The following SPEN variants were observed in gnomAD, a reference collection of about 807,000 sequenced individuals.
The protein encoded by SPEN is msx2-interacting protein.
A neutral mutation model predicts 269.9 loss-of-function variants in SPEN; 18 were observed. The observed-to-expected ratio is 0.07, with a 90% confidence interval of 0.05 to 0.10. The LOEUF (loss-of-function observed/expected upper bound fraction) is 0.10. SPEN is among the 10% of genes least tolerant of loss of function. The pLI is 1.00. For synonymous variants in SPEN, 1,726 were observed against 1,765.7 expected, an observed-to-expected ratio of 0.98 and a Z score of 0.56; for missense variants, 3,822 against 4,631.2, an observed-to-expected ratio of 0.83 and a Z score of 5.07.
chr1:15,934,298 T>A lies in SPEN; in HGVS notation c.8058T>A (p.Pro2686=). 1 of 1,614,164 alleles carries A rather than the reference T, an allele frequency of 6.2e-7. No homozygotes were observed. The highest frequency in any genetic ancestry group is 8.5e-7 in the Non-Finnish European group (1 of 1,180,032). The change falls in exon 11 of 15, where the codon CCT becomes CCA. Residue 2686 remains proline (P), a synonymous_variant. Coordinates refer to ENST00000375759, the MANE Select transcript of SPEN (RefSeq NM_015001.3). The surrounding 1 kb of genome is among the most constrained non-coding windows in gnomAD (Gnocchi z 9.2). ...VTTLKSLVST[P]AGPVNVLKGP... ...CACTGAAAAGTTTGGTGAGCACCCC[T>A]GCTGGGCCCGTGAACGTCCTGAAAG...
chr1:15,881,536 C>A (rs1489588080), intron 3 of SPEN, among the ~76,000 whole-genome samples: 2 of 152,126 alleles, frequency 1.3e-5, no homozygotes, highest in Non-Finnish European at 2.9e-5. Flanking sequence ...TATCACAGAA[C>A]CTAGTATATT....
rs374417239 is a variant in SPEN, at chr1:15,888,820, A to G, written c.881+12142A>G. 1.9e-3 allele frequency among the ~76,000 whole-genome samples: 281 copies of G among 151,580 alleles called. 2 individuals are homozygous for G. The highest frequency in any genetic ancestry group is 5.2e-3 in the South Asian group (25 of 4,798). ...CTAATTTTGTATTTTTAGTAGAGAC[A>G]GGGTTTTGCCATGTTGGTTGGCTGG... On this transcript the variant is annotated intron_variant, in intron 3 of 14. Coordinates refer to ENST00000375759, the MANE Select transcript of SPEN (RefSeq NM_015001.3).
At chr1:15,880,709 A>G (rs1240571094) in intron 3 of SPEN, among the ~76,000 whole-genome samples, 2 of 151,956 alleles carry the variant, frequency 1.3e-5, no homozygotes, top group African/African-American at 4.8e-5. Context: ...CACCCACCTC[A>G]GCCTCCCAGA....
In SPEN at chr1:15,871,210, T is replaced by C. The variant is rs143598195; in HGVS notation, c.84-1606T>C. 3.1e-3 allele frequency among the ~76,000 whole-genome samples: 479 copies of C among 152,232 alleles called. 1 individual carries two copies. Among genetic ancestry groups the C allele is most frequent in the Middle Eastern group, 6.8e-3 (2 of 294 alleles). Reference sequence around the variant, plus strand: ...GTCTCAAAATCCTGACCTCATGGTCTGCCTGCCTCAGCCTCCCAAAGTGCT... The same window carrying C: ...GTCTCAAAATCCTGACCTCATGGTCCGCCTGCCTCAGCCTCCCAAAGTGCT... On this transcript the variant is annotated intron_variant, in intron 1 of 14. Coordinates refer to ENST00000375759, the MANE Select transcript of SPEN (RefSeq NM_015001.3).
chr1:15,872,492 C>G (rs897952439), intron 1 of SPEN, among the ~76,000 whole-genome samples: 53 of 150,260 alleles, frequency 3.5e-4, no homozygotes, highest in Non-Finnish European at 5.9e-5. Context: ...CCCAGCTACT[C>G]GGGAGGCTGA....
chr1:15,905,293 C>T (rs1280206686), intron 3 of SPEN, among the ~76,000 whole-genome samples: 1 of 151,970 alleles, frequency 6.6e-6, no homozygotes, highest in Admixed American at 6.6e-5. Flanking sequence ...ATGATCTCGG[C>T]TCACTGCAAC....
Position 15,933,541 on chromosome 1 carries a change from C to G in SPEN, c.7301C>G (p.Pro2434Arg). ...KASVPPDLPP[P>R]PQPAPVDEEP... ...TCTGTGCCCCCAGACCTTCCCCCAC[C>G]TCCCCAGCCAGCACCGGTGGATGAG... The change falls in exon 11 of 15, where the codon CCT becomes CGT. Residue 2434 changes from proline (P) to arginine (R), a missense_variant. Pro to Arg is a moderately radical substitution (Grantham distance 103). This residue lies in a region of SPEN where 727 missense variants were observed against 737.9 expected (regional missense o/e 0.99). Transcript: ENST00000375759. The surrounding 1 kb of genome is among the most constrained non-coding windows in gnomAD (Gnocchi z 5.7). 1.2e-6 allele frequency: 2 copies of G among 1,614,008 alleles called. No homozygotes were observed. Among genetic ancestry groups the G allele is most frequent in the Non-Finnish European group, 1.7e-6 (2 of 1,179,944 alleles).
intron 5 of SPEN, among the ~76,000 whole-genome samples, chr1:15,915,226 T>G (rs1232177350): frequency 2.0e-5 from 3 of 152,140 alleles, no homozygotes; most frequent in Non-Finnish European, 4.4e-5. Flanking sequence ...TTAAAACAAA[T>G]CAGGCCAAGT....
chr1:15,910,355 G>C (rs562165713), intron 4 of SPEN, among the ~76,000 whole-genome samples: 2 of 152,082 alleles, frequency 1.3e-5, no homozygotes, highest in East Asian at 3.9e-4. Context: ...TGATTCATCT[G>C]TAAAGGATAC....
Position 15,928,697 on chromosome 1 carries a change from T to C in SPEN, c.2457T>C (p.Thr819=). ...IRKEKVEKDK[T]DKQKRKGKVH... ...AGGAAAAAGTGGAAAAGGACAAAACTGACAAGCAGAAACGCAAAGGAAAGG... is the reference window on the plus strand; with the variant it reads ...AGGAAAAAGTGGAAAAGGACAAAACCGACAAGCAGAAACGCAAAGGAAAGG... Residue 819 remains threonine, a synonymous_variant, in exon 11 of 15, where the codon ACT becomes ACC. Coordinates refer to ENST00000375759, the MANE Select transcript of SPEN (RefSeq NM_015001.3). This position sits in a 1 kb window ranked among gnomAD's most constrained non-coding sequence, Gnocchi z 5.7. The C allele has an allele frequency of 6.2e-7, 1 of 1,613,672 alleles. No homozygotes were observed. The highest frequency in any genetic ancestry group is 8.5e-7 in the Non-Finnish European group (1 of 1,180,008).
chr1:15,906,364 A>C (rs2148726614), intron 3 of SPEN, among the ~76,000 whole-genome samples: 1 of 152,094 alleles, frequency 6.6e-6, no homozygotes, highest in East Asian at 1.9e-4. Flanking sequence ...AGTAGTTTGC[A>C]CTGACAGAGG....
Position 15,928,091 on chromosome 1 carries a change from A to G in SPEN, c.1851A>G (p.Arg617=). 1 of 1,580,176 alleles carries G rather than the reference A, an allele frequency of 6.3e-7. No individual in the cohort carries two copies. The highest frequency in any genetic ancestry group is 8.6e-7 in the Non-Finnish European group (1 of 1,160,350). The change falls in exon 11 of 15, where the codon AGA becomes AGG. Residue 617 remains arginine, a splice_region_variant and synonymous_variant. Coordinates refer to ENST00000375759, the MANE Select transcript of SPEN (RefSeq NM_015001.3). The surrounding 1 kb of genome is among the most constrained non-coding windows in gnomAD (Gnocchi z 5.7). ...TAATATCTTTGTTATTTTTTGGCAG[A>G]GAGGAACGAAGGGCATCCTACGACT... ...RDFYEMLAER[R]EERRASYDYN... is the part of the protein sequence containing the mutation.
In SPEN at chr1:15,899,296, C is replaced by T. The variant is rs192834693; in HGVS notation, c.882-10025C>T. 5.3e-5 allele frequency among the ~76,000 whole-genome samples: 8 copies of T among 152,114 alleles called. No individual in the cohort carries two copies. In the East Asian group the frequency reaches 7.7e-4, roughly 15 times the overall value. On this transcript the variant is annotated intron_variant, in intron 3 of 14. Transcript: ENST00000375759. The stretch of plus-strand genomic sequence containing the variant: ...AGCCATCTTCCTGACTCAGCACCCC[C>T]GCCAAGTAGCTGGGACTACAGGCAC...
intron 1 of SPEN, among the ~76,000 whole-genome samples, chr1:15,863,700 G>A (rs1436806506): frequency 6.6e-6 from 1 of 151,914 alleles, no homozygotes; most frequent in African/African-American, 2.4e-5. Flanking sequence ...CATCAGCTGG[G>A]TGTGGTGGTG....
In SPEN at chr1:15,932,383, C is replaced by G. The variant is rs979231830; in HGVS notation, c.6143C>G (p.Ala2048Gly). 1.1e-5 allele frequency: 17 copies of G among 1,613,994 alleles called. No individual in the cohort carries two copies. The highest frequency in any genetic ancestry group is 3.3e-4 in the Middle Eastern group (2 of 6,084). Residue 2048 changes from alanine to glycine, a missense_variant, in exon 11 of 15, where the codon GCT (alanine) becomes GGT (glycine). Around this residue, in one of 16 missense-constraint regions of SPEN, gnomAD observed 727 missense variants for 737.9 expected, o/e 0.99. Coordinates refer to ENST00000375759, the MANE Select transcript of SPEN (RefSeq NM_015001.3). The surrounding 1 kb of genome is among the most constrained non-coding windows in gnomAD (Gnocchi z 4.2). ...GAACAGAAACGTGACAGAAAAGATGCTGGCACAGACAAAAACCCCCCTGAA... is the reference window on the plus strand; with the variant it reads ...GAACAGAAACGTGACAGAAAAGATGGTGGCACAGACAAAAACCCCCCTGAA... ...GSEQKRDRKD[A>G]GTDKNPPETA...
chr1:15,922,989 T>C (rs1427617041), intron 10 of SPEN, among the ~76,000 whole-genome samples: 2 of 152,174 alleles, frequency 1.3e-5, no homozygotes, highest in African/African-American at 4.8e-5. Flanking sequence ...TATTAATATA[T>C]GTTAGAGTGC....
chr1:15,883,279 G>T (rs543014045), intron 3 of SPEN, among the ~76,000 whole-genome samples: 1 of 152,152 alleles, frequency 6.6e-6, no homozygotes, highest in Non-Finnish European at 1.5e-5. Flanking sequence ...GAAACCCTTT[G>T]TGGTGTTTGC....
chr1:15,882,511 T>C (rs1279753239), intron 3 of SPEN, among the ~76,000 whole-genome samples: 1 of 151,912 alleles, frequency 6.6e-6, no homozygotes, highest in African/African-American at 2.4e-5. Flanking sequence ...AATACAAAAA[T>C]TAGCCAGGTG....
In SPEN at chr1:15,934,923, G is replaced by A. The variant is rs2071259617; in HGVS notation, c.8683G>A (p.Ala2895Thr). The change falls in exon 11 of 15, where the codon GCC becomes ACC. Residue 2895 changes from alanine to threonine, a missense_variant. Physicochemically the swap from Ala to Thr is moderately conservative, Grantham distance 58. Coordinates refer to ENST00000375759, the MANE Select transcript of SPEN (RefSeq NM_015001.3). The surrounding 1 kb of genome is among the most constrained non-coding windows in gnomAD (Gnocchi z 9.2). Reference sequence around the variant, plus strand: ...GGTACTGACCGCCCAGACATATAATGCCTCTCCTGTGATTTCGTCTGTGAA... The same window carrying A: ...GGTACTGACCGCCCAGACATATAATACCTCTCCTGTGATTTCGTCTGTGAA... ...TLVLTAQTYN[A>T]SPVISSVKAD... 1 of 1,613,982 alleles carries A rather than the reference G, an allele frequency of 6.2e-7. No homozygotes were observed. The highest frequency in any genetic ancestry group is 8.5e-7 in the Non-Finnish European group (1 of 1,180,000).
Sources: gnomAD v4.1 joint callset for allele counts (sites outside exome capture counted in the v4.1 genomes callset) on GRCh38, gnomAD v4.1.1 for gene constraint, gnomAD v4.1.1 regional missense constraint, Gnocchi (gnomAD v3.1) non-coding constraint, MANE v1.5 for transcripts, NCBI Gene and HGNC (gene_info 2026-07-23, HGNC 2026-07-21) for gene names.